The following LOXHD1 variants were observed in gnomAD, a reference collection of about 807,000 sequenced individuals.
LOXHD1 encodes lipoxygenase homology domain-containing protein 1.
Under a neutral mutation model 248.2 loss-of-function variants are expected in LOXHD1, and 205 were observed. The ratio of observed to expected loss-of-function variants is 0.83; its 90% CI spans 0.74 to 0.93. The LOEUF is 0.93. Ranked by LOEUF, LOXHD1 falls within the 40% of genes least tolerant of loss-of-function variation. The pLI is 0.00. For synonymous variants in LOXHD1, 1,113 were observed against 1,162.8 expected (o/e 0.96, Z 0.87); for missense variants, 2,930 against 2,971.6 (o/e 0.99, Z 0.33).
intron 4 of LOXHD1, among the ~76,000 whole-genome samples, chr18:46,636,265 G>T (rs2038891324): frequency 6.6e-6 from 1 of 152,316 alleles, no homozygotes; most frequent in African/African-American, 2.4e-5. Flanking sequence ...TGCATTTAAA[G>T]AAGAGCCTAG....
intron 18 of LOXHD1, 72 bp downstream of exon 18, chr18:46,562,993 A>G: frequency 6.8e-7 from 1 of 1,474,188 alleles, no homozygotes; most frequent in Non-Finnish European, 9.1e-7. Flanking sequence ...TGAGGAAATT[A>G]GTACACCCAG....
chr18:46,594,188 G>A (rs1346888684), intron 9 of LOXHD1, 143 bp downstream of exon 9: 3 of 1,062,366 alleles, frequency 2.8e-6, no homozygotes, highest in East Asian at 2.6e-5. Flanking sequence ...TGGCGGGGTT[G>A]GGGGAGCTTT....
chr18:46,560,048 T>TCCCCAC, intron 19 of LOXHD1, 35 bp downstream of exon 19: 1 of 1,226,296 alleles, frequency 8.2e-7, no homozygotes, highest in Non-Finnish European at 1.1e-6. Flanking sequence ...GTCTGGCCAC[T>TCCCCAC]CCCTCCCCAC....
chr18:46,506,331 T>C (rs2143896364), intron 36 of LOXHD1, among the ~76,000 whole-genome samples: 1 of 152,334 alleles, frequency 6.6e-6, no homozygotes, highest in South Asian at 2.1e-4. Flanking sequence ...AAAAGGCGTG[T>C]CATATAGGCT....
chr18:46,641,995 C>T lies in LOXHD1; in HGVS notation c.287G>A (p.Arg96Gln), dbSNP rs376467400. 1.8e-4 allele frequency: 285 copies of T among 1,552,224 alleles called. No homozygotes were observed. Among genetic ancestry groups the T allele is most frequent in the Non-Finnish European group, 2.3e-4 (260 of 1,147,142 alleles). ...AFEKGNVDVF[R>Q]VRTNNVGLIY... The stretch of plus-strand genomic sequence containing the variant: ...GAGGCCCACATTGTTGGTTCTCACC[C>T]GGAACACATCGACGTTGCCCTTCTC... Residue 96 changes from arginine to glutamine, a missense_variant, in exon 3 of 41, where the codon CGG becomes CAG. By Grantham distance (43) the Arg-to-Gln change is conservative. Coordinates refer to ENST00000642948, the MANE Select transcript of LOXHD1 (RefSeq NM_001384474.1).
chr18:46,484,500 G>A (rs1237002573), intron 39 of LOXHD1, among the ~76,000 whole-genome samples: 1 of 152,198 alleles, frequency 6.6e-6, no homozygotes, highest in Non-Finnish European at 1.5e-5. Context: ...GCCCTCACCA[G>A]ACACCAGATT....
chr18:46,622,764 T>C (rs1395272935), intron 4 of LOXHD1, among the ~76,000 whole-genome samples: 1 of 152,240 alleles, frequency 6.6e-6, no homozygotes, highest in African/African-American at 2.4e-5. Context: ...TACAATGCCA[T>C]GTGGCTGGGC....
At chr18:46,489,195 T>C in intron 37 of LOXHD1, 53 bp from the exon 38 acceptor site, 2 of 1,531,822 alleles carry the variant, frequency 1.3e-6, no homozygotes, top group Non-Finnish European at 1.8e-6. Flanking sequence ...TCCCTCCCCT[T>C]TCAGACTTCT....
chr18:46,546,772 T>G, intron 22 of LOXHD1, 123 bp downstream of exon 22: 3 of 1,128,618 alleles, frequency 2.7e-6, no homozygotes, highest in African/African-American at 1.6e-5. Context: ...GGCAATACAA[T>G]AGACTGTCAA....
At chr18:46,606,750 A>T (rs2038419768) in intron 6 of LOXHD1, among the ~76,000 whole-genome samples, 1 of 152,200 alleles carries the variant, frequency 6.6e-6, no homozygotes, top group Non-Finnish European at 1.5e-5. Flanking sequence ...ATATTACATA[A>T]TATACAGTAT....
chr18:46,644,958 TG>T (rs752340476), intron 2 of LOXHD1, among the ~76,000 whole-genome samples: 2 of 152,174 alleles, frequency 1.3e-5, no homozygotes, highest in Non-Finnish European at 2.9e-5. Context: ...AGGACTACAC[TG>T]GAATATTTCT....
intron 1 of LOXHD1, among the ~76,000 whole-genome samples, chr18:46,653,334 C>T (rs1475852769): frequency 6.6e-6 from 1 of 152,144 alleles, no homozygotes; most frequent in Non-Finnish European, 1.5e-5. Context: ...TGTGAAGGAG[C>T]ATTCTGGGGG....
At chr18:46,608,944 C>T (rs1020482353) in intron 6 of LOXHD1, among the ~76,000 whole-genome samples, 1 of 152,230 alleles carries the variant, frequency 6.6e-6, no homozygotes, top group Non-Finnish European at 1.5e-5. Context: ...ATTCTACAGG[C>T]TGAAAGCTAA....
chr18:46,572,291 G>A, intron 14 of LOXHD1, 129 bp from the exon 15 acceptor site: 1 of 809,200 alleles, frequency 1.2e-6, no homozygotes, highest in Non-Finnish European at 2.1e-6. Context: ...TGATTCTATG[G>A]GAGCATCTAG....
At chr18:46,534,953 C>T (rs2036243863) in intron 26 of LOXHD1, among the ~76,000 whole-genome samples, 1 of 152,212 alleles carries the variant, frequency 6.6e-6, no homozygotes, top group Non-Finnish European at 1.5e-5. Flanking sequence ...GGGGCCTTTG[C>T]ACATGCTTTG....
intron 14 of LOXHD1, among the ~76,000 whole-genome samples, chr18:46,577,077 C>T (rs2037872024): frequency 6.6e-6 from 1 of 152,178 alleles, no homozygotes; most frequent in Non-Finnish European, 1.5e-5. Flanking sequence ...CAGTCCAAGG[C>T]CCCAAGTCAA....
At chr18:46,508,560 T>A (rs1477237556) in intron 35 of LOXHD1, among the ~76,000 whole-genome samples, 1 of 152,196 alleles carries the variant, frequency 6.6e-6, no homozygotes, top group Non-Finnish European at 1.5e-5. Flanking sequence ...TCTGCCTCTA[T>A]GACAGTGAGG....
intron 36 of LOXHD1, among the ~76,000 whole-genome samples, chr18:46,507,087 G>C (rs866803304): frequency 1.3e-5 from 2 of 152,198 alleles, no homozygotes; most frequent in South Asian, 4.1e-4. Context: ...CTGCACTGTG[G>C]TTGCTCCAAT....
In LOXHD1 at chr18:46,520,495, G is replaced by T. The variant is rs533295003; in HGVS notation, c.5271+602C>A. The stretch of plus-strand genomic sequence containing the variant: ...TCCTAGCACCAGGCATCTGCCTCCT[G>T]CCTGGCCTGACCTGTGCGTTTATAT... On this transcript the variant is annotated intron_variant, in intron 33 of 40. Coordinates refer to ENST00000642948, the MANE Select transcript of LOXHD1 (RefSeq NM_001384474.1). The T allele has an allele frequency of 1.4e-5, 5 of 360,274 alleles. No individual in the cohort carries two copies. In the East Asian group the frequency reaches 3.7e-4, roughly 27 times the overall value. The allele number at this position is 360,274 out of a possible 1,614,324, so 22.3% of individuals were successfully genotyped here. A position where few individuals can be genotyped will look rare whatever the true frequency, so the allele number is the denominator to read the frequency against.
Sources: allele counts gnomAD v4.1 joint callset (sites outside exome capture counted in the v4.1 genomes callset), GRCh38; gene constraint gnomAD v4.1.1; transcripts MANE v1.5; gene names NCBI Gene and HGNC (gene_info 2026-07-23, HGNC 2026-07-21).